The following PTPRT variants were observed in gnomAD, a reference collection of about 807,000 sequenced individuals.
PTPRT encodes protein tyrosine phosphatase receptor type T.
PTPRT carries 56 observed loss-of-function variants against 176.8 expected under a neutral mutation model. That is an observed-to-expected ratio of 0.32 (90% CI 0.26 to 0.40). The LOEUF (loss-of-function observed/expected upper bound fraction) is 0.40, where lower values mean the gene tolerates loss of function less well. Among genes scored for constraint, PTPRT ranks in the 10% least tolerant of loss-of-function variants. PTPRT has a pLI of 1.00. For synonymous variants in PTPRT, 783 were observed against 739.0 expected (o/e 1.06, Z -0.96); for missense variants, 1,540 against 1,908.2 (o/e 0.81, Z 3.60).
At chr20:43,045,538 C>A (rs941449009) in intron 1 of PTPRT, among the ~76,000 whole-genome samples, 31 of 146,222 alleles carry the variant, frequency 2.1e-4, no homozygotes, top group African/African-American at 7.8e-4. Flanking sequence ...ACTCTTATCT[C>A]AACCTCCTGG....
intron 6 of PTPRT, among the ~76,000 whole-genome samples, chr20:42,697,255 T>TCACATC (rs2075894774): frequency 6.6e-6 from 1 of 152,200 alleles, no homozygotes; most frequent in East Asian, 1.9e-4. Flanking sequence ...GCTGAATCTG[T>TCACATC]TTCAGATAAA....
At chr20:42,679,660 A>G (rs766368042) in intron 6 of PTPRT, among the ~76,000 whole-genome samples, 32 of 152,208 alleles carry the variant, frequency 2.1e-4, no homozygotes, top group Non-Finnish European at 3.4e-4. Context: ...TGTTGTTATA[A>G]TAACACATAG....
intron 13 of PTPRT, among the ~76,000 whole-genome samples, chr20:42,281,178 AG>A (rs1262207370): frequency 1.3e-5 from 2 of 152,224 alleles, no homozygotes; most frequent in Admixed American, 6.5e-5. Flanking sequence ...TGTTTTCTTC[AG>A]TGGAAAAGTC....
intron 1 of PTPRT, among the ~76,000 whole-genome samples, chr20:42,962,290 G>C (rs1321074986): frequency 6.6e-6 from 1 of 152,182 alleles, no homozygotes; most frequent in Non-Finnish European, 1.5e-5. Flanking sequence ...AATTTCCATA[G>C]AGAGTTCAAA....
rs959180056 is a variant in PTPRT, at chr20:43,163,396, T to C, written c.88+26250A>G. Among the ~76,000 whole-genome samples the C allele has an allele frequency of 9.2e-5, 14 of 152,204 alleles. 1 individual carries two copies. Among genetic ancestry groups the C allele is most frequent in the Admixed American group, 2.6e-4 (4 of 15,292 alleles). ...GCTCGTGACTGTAATCCCAGCACTT[T>C]GGGAGGCCGAGGGGGGCAAATCACG... On this transcript the variant is annotated intron_variant, in intron 1 of 30. Coordinates refer to ENST00000373187, the MANE Select transcript of PTPRT (RefSeq NM_007050.6).
the PTPRT span, among the ~76,000 whole-genome samples, chr20:42,066,542 T>C: frequency 7.9e-5 from 12 of 152,178 alleles, no homozygotes; most frequent in African/African-American, 2.9e-4. Context: ...ATTTGCATTG[T>C]TTTGGAATAG....
At chr20:42,441,286 C>A (rs2059313791) in intron 9 of PTPRT, among the ~76,000 whole-genome samples, 1 of 152,064 alleles carries the variant, frequency 6.6e-6, no homozygotes, top group South Asian at 2.1e-4. Flanking sequence ...GAAAAAGCCT[C>A]TTGGAGGTGA....
intron 6 of PTPRT, among the ~76,000 whole-genome samples, chr20:42,683,071 C>T (rs1479069998): frequency 1.3e-5 from 2 of 151,842 alleles, no homozygotes; most frequent in Non-Finnish European, 2.9e-5. Context: ...CCACACGTCT[C>T]ACCCCACCTG....
intron 1 of PTPRT, among the ~76,000 whole-genome samples, chr20:42,985,109 G>C (rs546400922): frequency 6.6e-6 from 1 of 152,226 alleles, no homozygotes; most frequent in Admixed American, 6.5e-5. Context: ...GTTGCAATGG[G>C]GGTCAGGACT....
chr20:43,163,437 GAC>G (rs2014759226), intron 1 of PTPRT, among the ~76,000 whole-genome samples: 1 of 152,148 alleles, frequency 6.6e-6, no homozygotes, highest in Non-Finnish European at 1.5e-5. Context: ...ACGAGATCAA[GAC>G]CATCCTGGCT....
chr20:42,399,702 C>T (rs2058886690), intron 9 of PTPRT, among the ~76,000 whole-genome samples: 1 of 152,142 alleles, frequency 6.6e-6, no homozygotes, highest in Non-Finnish European at 1.5e-5. Context: ...GAGAGAGGCT[C>T]CTTTTTTCCT....
chr20:42,312,024 G>GTTAAGTTT (rs2057640587), intron 12 of PTPRT, among the ~76,000 whole-genome samples: 1 of 152,126 alleles, frequency 6.6e-6, no homozygotes. Context: ...GATTAGAACT[G>GTTAAGTTT]TTAAGTTTTT....
chr20:42,047,629 T>C, the PTPRT span, among the ~76,000 whole-genome samples: 38 of 152,216 alleles, frequency 2.5e-4, no homozygotes, highest in Non-Finnish European at 4.9e-4. Context: ...GCTTGGTAAA[T>C]GTGAGTCTAG....
intron 12 of PTPRT, among the ~76,000 whole-genome samples, chr20:42,282,990 C>T (rs1158437206): frequency 1.3e-5 from 2 of 152,170 alleles, no homozygotes; most frequent in Non-Finnish European, 2.9e-5. Flanking sequence ...ATAGTCCAGT[C>T]TATATGAAAC....
chr20:42,970,441 C>G (rs908895389), intron 1 of PTPRT, among the ~76,000 whole-genome samples: 1 of 152,136 alleles, frequency 6.6e-6, no homozygotes, highest in African/African-American at 2.4e-5. Context: ...AGTGGTTATA[C>G]AGACCCTGGA....
At position 42,710,832 on chromosome 20, in the gene PTPRT, C is replaced by G. The variant is rs189069373; in HGVS notation, c.860-32673G>C. Among the ~76,000 whole-genome samples the G allele has an allele frequency of 7.9e-4, 120 of 152,378 alleles. No homozygotes were observed. The South Asian group carries it at 0.011, about 13-fold the overall frequency. On this transcript the variant is annotated intron_variant, in intron 6 of 30. Transcript: ENST00000373187. ...GGTACTCAACTCCAACCCATGAGAGCAGCCACATGGGCTGTGTCCAAGAAA... is the reference window on the plus strand; with the variant it reads ...GGTACTCAACTCCAACCCATGAGAGGAGCCACATGGGCTGTGTCCAAGAAA...
chr20:42,578,601 C>T (rs1217002987), intron 7 of PTPRT, among the ~76,000 whole-genome samples: 1 of 152,126 alleles, frequency 6.6e-6, no homozygotes, highest in African/African-American at 2.4e-5. Flanking sequence ...GCCTAGACTC[C>T]TCTCTTTTTC....
At chr20:43,126,848 T>C (rs2013457550) in intron 1 of PTPRT, among the ~76,000 whole-genome samples, 1 of 151,826 alleles carries the variant, frequency 6.6e-6, no homozygotes, top group South Asian at 2.1e-4. Context: ...TTCCCAGGAG[T>C]AGTAAACATC....
intron 1 of PTPRT, among the ~76,000 whole-genome samples, chr20:43,076,209 C>A (rs1319327868): frequency 1.3e-5 from 2 of 152,144 alleles, no homozygotes; most frequent in Middle Eastern, 3.2e-3. Flanking sequence ...CTTTTCTTCT[C>A]ATTTTTCCAG....
Sources: gnomAD v4.1 joint callset for allele counts (sites outside exome capture counted in the v4.1 genomes callset) on GRCh38, gnomAD v4.1.1 for gene constraint, MANE v1.5 for transcripts, NCBI Gene and HGNC (gene_info 2026-07-23, HGNC 2026-07-21) for gene names.